MAN2A1: variants seen among roughly 807,000 people sequenced by gnomAD.
The protein encoded by MAN2A1 is alpha-mannosidase 2.
A neutral mutation model predicts 142.6 loss-of-function variants in MAN2A1; 76 were observed. The observed-to-expected ratio is 0.53, with a 90% CI of 0.44 to 0.65. The LOEUF (loss-of-function observed/expected upper bound fraction) is 0.65. Ranked by LOEUF, MAN2A1 falls within the 30% of genes least tolerant of loss-of-function variation. The pLI is 0.00. For missense variants in MAN2A1, 1,311 were observed against 1,365.1 expected, an observed-to-expected ratio of 0.96 and a Z score of 0.62; for synonymous variants, 559 against 473.2, an observed-to-expected ratio of 1.18 and a Z score of -2.35.
At chr5:109,848,568 C>T (rs1341339190) in intron 19 of MAN2A1, among the ~76,000 whole-genome samples, 2 of 152,254 alleles carry the variant, frequency 1.3e-5, no homozygotes, top group African/African-American at 4.8e-5. Context: ...TCCCACCCTT[C>T]CCATCTCTCC....
rs1218348973 is a variant in MAN2A1, at chr5:109,770,421, C to T, written c.1076C>T (p.Thr359Ile). Reference sequence around the variant, plus strand: ...TTCTACAGCTATGACATCCCTCACACTTGTGGACCTGATCCTAAAATATGC... The same window carrying T: ...TTCTACAGCTATGACATCCCTCACATTTGTGGACCTGATCCTAAAATATGC... ...MPFYSYDIPHTCGPDPKICCQ... is the reference protein window; with the variant it reads ...MPFYSYDIPHICGPDPKICCQ... Residue 359 changes from threonine (T) to isoleucine (I), a missense_variant, in exon 7 of 22, where the codon ACT becomes ATT. Physicochemically the swap from Thr to Ile is moderately conservative, Grantham distance 89. Transcript: ENST00000261483. The T allele has an allele frequency of 1.2e-6, 2 of 1,613,874 alleles. No individual in the cohort carries two copies. Among genetic ancestry groups the T allele is most frequent in the African/African-American group, 1.3e-5 (1 of 74,918 alleles).
At chr5:109,745,553 C>G (rs1752377474) in intron 4 of MAN2A1, among the ~76,000 whole-genome samples, 1 of 151,894 alleles carries the variant, frequency 6.6e-6, no homozygotes, top group Non-Finnish European at 1.5e-5. Flanking sequence ...AAGTACATCC[C>G]CTGCTTATTA....
chr5:109,773,621 A>T (rs1753208128), intron 7 of MAN2A1, among the ~76,000 whole-genome samples: 1 of 152,164 alleles, frequency 6.6e-6, no homozygotes, highest in African/African-American at 2.4e-5. Flanking sequence ...ATTATATGTT[A>T]CATAAGGACG....
chr5:109,806,095 T>A (rs572484824), intron 12 of MAN2A1, among the ~76,000 whole-genome samples: 1 of 152,244 alleles, frequency 6.6e-6, no homozygotes, highest in Non-Finnish European at 1.5e-5. Context: ...GGTTCTCTGC[T>A]GGGGTGAATA....
chr5:109,802,961 A>C (rs1008456728), intron 12 of MAN2A1, among the ~76,000 whole-genome samples: 1 of 152,008 alleles, frequency 6.6e-6, no homozygotes, highest in Non-Finnish European at 1.5e-5. Context: ...TTAAATATAT[A>C]TTTTTACTGT....
chr5:109,786,831 A>T (rs1319703837), intron 10 of MAN2A1, among the ~76,000 whole-genome samples: 1 of 152,034 alleles, frequency 6.6e-6, no homozygotes, highest in African/African-American at 2.4e-5. Context: ...AGTAATAGCA[A>T]CCAGAAACAG....
In MAN2A1 at chr5:109,847,547, G is replaced by C. The variant is rs1580313792; in HGVS notation, c.2843-110G>C. On this transcript the variant is annotated intron_variant, in intron 18 of 21. Transcript: ENST00000261483. The stretch of plus-strand genomic sequence containing the variant: ...TTGTATAAATCCACCTCCTTGACTA[G>C]AGAGGAAATTTAGAGCAATACATCA... 9.3e-6 allele frequency: 9 copies of C among 967,558 alleles called. No homozygotes were observed. In the East Asian group the frequency reaches 2.6e-4, roughly 28 times the overall value. The allele number at this position is 967,558 out of a possible 1,614,324, so 59.9% of individuals were successfully genotyped here.
At chr5:109,747,483 C>A (rs1752438485) in intron 4 of MAN2A1, among the ~76,000 whole-genome samples, 1 of 151,986 alleles carries the variant, frequency 6.6e-6, no homozygotes, top group African/African-American at 2.4e-5. Context: ...TAATCTCTTA[C>A]TTTTGGAGAT....
intron 5 of MAN2A1, among the ~76,000 whole-genome samples, chr5:109,764,937 A>C (rs1358499664): frequency 1.3e-5 from 2 of 152,154 alleles, no homozygotes; most frequent in African/African-American, 4.8e-5. Flanking sequence ...ATTGATTCAT[A>C]TGTATATTTT....
At chr5:109,796,781 G>C (rs949592479) in intron 12 of MAN2A1, among the ~76,000 whole-genome samples, 7 of 152,160 alleles carry the variant, frequency 4.6e-5, no homozygotes, top group Non-Finnish European at 1.0e-4. Flanking sequence ...TTGGAAACTT[G>C]CGATCAGGCT....
At chr5:109,790,859 A>G (rs1753720341) in intron 12 of MAN2A1, among the ~76,000 whole-genome samples, 1 of 152,046 alleles carries the variant, frequency 6.6e-6, no homozygotes, top group African/African-American at 2.4e-5. Flanking sequence ...TGCTGGGTGC[A>G]GTGAGGCAGG....
chr5:109,775,811 C>T (rs1268407039), intron 8 of MAN2A1, among the ~76,000 whole-genome samples: 1 of 152,082 alleles, frequency 6.6e-6, no homozygotes, highest in Non-Finnish European at 1.5e-5. Context: ...TTCAAATTTT[C>T]CTCATCTCAT....
chr5:109,699,448 A>G (rs1280166760), intron 1 of MAN2A1: 1 of 152,216 alleles, frequency 6.6e-6, no homozygotes, highest in Non-Finnish European at 1.5e-5. Context: ...AGTTTTGAAA[A>G]TTGCAAAGAG....
At chr5:109,832,797 C>A (rs921665941) in intron 16 of MAN2A1, among the ~76,000 whole-genome samples, 5 of 151,392 alleles carry the variant, frequency 3.3e-5, no homozygotes, top group African/African-American at 1.2e-4. Context: ...CCGGACGGGG[C>A]GGCTGGCTGG....
At chr5:109,707,691 T>C (rs1313041381) in intron 1 of MAN2A1, among the ~76,000 whole-genome samples, 4 of 152,034 alleles carry the variant, frequency 2.6e-5, no homozygotes, top group Non-Finnish European at 5.9e-5. Flanking sequence ...ACAGAGACCA[T>C]GTACAAAGGT....
chr5:109,755,496 A>T, intron 5 of MAN2A1, 40 bp downstream of exon 5: 2 of 1,550,610 alleles, frequency 1.3e-6, no homozygotes, highest in African/African-American at 1.4e-5. Context: ...TATTTTGGAC[A>T]GTTAATTTTC....
At chr5:109,838,872 A>T (rs1157820437) in intron 16 of MAN2A1, among the ~76,000 whole-genome samples, 1 of 152,226 alleles carries the variant, frequency 6.6e-6, no homozygotes, top group Admixed American at 6.5e-5. Flanking sequence ...GTTGAGAAAG[A>T]TGATTTTCTC....
intron 12 of MAN2A1, among the ~76,000 whole-genome samples, chr5:109,808,224 C>A (rs1474176053): frequency 1.3e-5 from 2 of 151,972 alleles, no homozygotes; most frequent in African/African-American, 4.8e-5. Context: ...CTTCCTTTGC[C>A]CTTTAAAAAA....
intron 2 of MAN2A1, among the ~76,000 whole-genome samples, chr5:109,714,239 T>C (rs941129949): frequency 1.3e-5 from 2 of 152,004 alleles, no homozygotes; most frequent in African/African-American, 4.8e-5. Flanking sequence ...AGAGCTGTAC[T>C]TTCCAGTATG....
Sources: gnomAD v4.1 joint callset for allele counts (sites outside exome capture counted in the v4.1 genomes callset) on GRCh38, gnomAD v4.1.1 for gene constraint, MANE v1.5 for transcripts, NCBI Gene and HGNC (gene_info 2026-07-23, HGNC 2026-07-21) for gene names.